MYO3B: variants seen among roughly 807,000 people sequenced by gnomAD.
MYO3B encodes the protein myosin IIIB.
MYO3B carries 156 observed loss-of-function variants against 174.6 expected under a neutral mutation model. The observed-to-expected ratio is 0.89, with a 90% CI of 0.78 to 1.02. The LOEUF (loss-of-function observed/expected upper bound fraction) is 1.02, where lower values mean the gene tolerates loss of function less well. Among genes scored for constraint, MYO3B ranks in the 50% least tolerant of loss-of-function variants. The pLI is 0.00. For missense variants in MYO3B, 1,632 were observed against 1,639.4 expected (o/e 1.00, Z 0.08); for synonymous variants, 563 against 569.1 (o/e 0.99, Z 0.15).
At chr2:170,259,822 A>G (rs1281879949) in intron 7 of MYO3B, among the ~76,000 whole-genome samples, 1 of 152,212 alleles carries the variant, frequency 6.6e-6, no homozygotes, top group African/African-American at 2.4e-5. Context: ...ATGCATCCAC[A>G]AAGGTCAAAT....
intron 32 of MYO3B, among the ~76,000 whole-genome samples, chr2:170,592,182 T>C (rs1219528879): frequency 1.3e-5 from 2 of 152,204 alleles, no homozygotes; most frequent in Non-Finnish European, 2.9e-5. Flanking sequence ...AAAATTGTTC[T>C]CGTATGTGCC....
chr2:170,628,274 T>G (rs2105367606), intron 32 of MYO3B, among the ~76,000 whole-genome samples: 1 of 152,354 alleles, frequency 6.6e-6, no homozygotes, highest in African/African-American at 2.4e-5. Context: ...GCCTCACTGC[T>G]GCCTTGCAGT....
At position 170,654,816 on chromosome 2, in the gene MYO3B, T is replaced by C. The variant is rs971582923; in HGVS notation, c.*1695T>C. 1 of 152,050 alleles carries C rather than the reference T, an allele frequency of 6.6e-6. No individual in the cohort carries two copies. Among genetic ancestry groups the C allele is most frequent in the African/African-American group, 2.4e-5 (1 of 41,414 alleles). 9.4% of individuals were successfully genotyped at this position (152,050 alleles called of 1,614,324 possible). A position where few individuals can be genotyped will look rare whatever the true frequency, so the allele number is the denominator to read the frequency against. On this transcript the variant is annotated 3_prime_UTR_variant, in exon 35 of 35. Transcript: ENST00000408978. Reference sequence around the variant, plus strand: ...ATGAGGTATTTAAAGATCTCAGAAATTGTAATTTTACAAGTAAAATAAATA... The same window carrying C: ...ATGAGGTATTTAAAGATCTCAGAAACTGTAATTTTACAAGTAAAATAAATA...
intron 22 of MYO3B, among the ~76,000 whole-genome samples, chr2:170,434,169 T>C (rs2094732930): frequency 6.6e-6 from 1 of 152,182 alleles, no homozygotes; most frequent in Non-Finnish European, 1.5e-5. Flanking sequence ...TGAACTAAGA[T>C]TTTTTAGTAT....
At chr2:170,309,221 A>T (rs1226911061) in intron 7 of MYO3B, among the ~76,000 whole-genome samples, 1 of 152,220 alleles carries the variant, frequency 6.6e-6, no homozygotes, top group Non-Finnish European at 1.5e-5. Flanking sequence ...GGCTAGGGAC[A>T]CTCAGCCTCA....
At chr2:170,603,671 T>A (rs1375378424) in intron 32 of MYO3B, among the ~76,000 whole-genome samples, 1 of 152,248 alleles carries the variant, frequency 6.6e-6, no homozygotes, top group Non-Finnish European at 1.5e-5. Context: ...TTTTGTGTGT[T>A]TTTAGGCAAA....
At chr2:170,181,776 A>T (rs2052633) in intron 1 of MYO3B, among the ~76,000 whole-genome samples, 1 of 151,992 alleles carries the variant, frequency 6.6e-6, no homozygotes, top group Non-Finnish European at 1.5e-5. Context: ...AATGCCTACC[A>T]GTAGAATTAC....
At chr2:170,601,058 A>T (rs557641117) in intron 32 of MYO3B, among the ~76,000 whole-genome samples, 1 of 152,208 alleles carries the variant, frequency 6.6e-6, no homozygotes, top group Non-Finnish European at 1.5e-5. Flanking sequence ...AGCTAACTAT[A>T]TGAAAGGATA....
chr2:170,583,014 C>T (rs1473598711), intron 32 of MYO3B, among the ~76,000 whole-genome samples: 1 of 152,036 alleles, frequency 6.6e-6, no homozygotes, highest in Non-Finnish European at 1.5e-5. Context: ...GACAGCTCCC[C>T]CTGCCCTGGA....
chr2:170,279,588 T>C (rs1462642756), intron 7 of MYO3B, among the ~76,000 whole-genome samples: 3 of 152,068 alleles, frequency 2.0e-5, no homozygotes, highest in Non-Finnish European at 4.4e-5. Context: ...TACCCAATAG[T>C]TATCTTTTCT....
At chr2:170,382,343 A>G (rs1042775369) in intron 10 of MYO3B, 19 of 374,426 alleles carry the variant, frequency 5.1e-5, no homozygotes, top group Non-Finnish European at 7.9e-5. Context: ...TTTTTGCAAT[A>G]AAGCTCTTTA....
At chr2:170,434,458 C>A (rs1399637152) in intron 22 of MYO3B, among the ~76,000 whole-genome samples, 1 of 152,128 alleles carries the variant, frequency 6.6e-6, no homozygotes, top group Non-Finnish European at 1.5e-5. Flanking sequence ...GGTTCTTATT[C>A]CTGACGCACG....
intron 32 of MYO3B, among the ~76,000 whole-genome samples, chr2:170,582,353 G>A (rs527471079): frequency 1.2e-4 from 19 of 152,290 alleles, no homozygotes; most frequent in African/African-American, 4.3e-4. Context: ...TGGCAAATGT[G>A]CGTGGGGTGG....
chr2:170,500,560 A>G (rs1460277797), intron 27 of MYO3B, among the ~76,000 whole-genome samples: 1 of 152,190 alleles, frequency 6.6e-6, no homozygotes, highest in Admixed American at 6.5e-5. Flanking sequence ...TCAAAGCAGC[A>G]TATTTTGGAG....
intron 9 of MYO3B, among the ~76,000 whole-genome samples, chr2:170,373,091 T>A (rs4668247): frequency 6.6e-6 from 1 of 152,052 alleles, no homozygotes; most frequent in African/African-American, 2.4e-5. Context: ...TGAAGCAGGG[T>A]AAGGCTGCAG....
chr2:170,557,432 C>A (rs975822427), intron 32 of MYO3B, among the ~76,000 whole-genome samples: 1 of 152,082 alleles, frequency 6.6e-6, no homozygotes, highest in Non-Finnish European at 1.5e-5. Context: ...GTTACTAAAA[C>A]TCCTGGAAAA....
intron 28 of MYO3B, among the ~76,000 whole-genome samples, chr2:170,514,484 C>T (rs1223540649): frequency 6.6e-6 from 1 of 152,190 alleles, no homozygotes; most frequent in Non-Finnish European, 1.5e-5. Context: ...AACGGAGCAG[C>T]TTCCTGGGAG....
chr2:170,572,919 G>C (rs958076068), intron 32 of MYO3B, among the ~76,000 whole-genome samples: 5 of 151,812 alleles, frequency 3.3e-5, no homozygotes, highest in African/African-American at 9.7e-5. Flanking sequence ...TTATTCCTTA[G>C]TCTCTTATCC....
chr2:170,486,366 G>A (rs550250718), intron 25 of MYO3B, among the ~76,000 whole-genome samples: 60 of 142,394 alleles, frequency 4.2e-4, no homozygotes, highest in Non-Finnish European at 6.7e-4. Flanking sequence ...GTGCAATGGC[G>A]CAATCTTGGC....
Sources: gnomAD v4.1 joint callset for allele counts (sites outside exome capture counted in the v4.1 genomes callset) on GRCh38, gnomAD v4.1.1 for gene constraint, MANE v1.5 for transcripts, NCBI Gene and HGNC (gene_info 2026-07-23, HGNC 2026-07-21) for gene names.